Variants in PDGFC observed in about 807,000 individuals in gnomAD.
The protein encoded by PDGFC is platelet-derived growth factor C.
A neutral mutation model predicts 35.5 loss-of-function variants in PDGFC; 12 were observed. That is an observed-to-expected ratio of 0.34 (90% CI 0.22 to 0.55). The LOEUF is 0.55. Ranked by LOEUF, PDGFC falls within the 20% of genes least tolerant of loss-of-function variation. The probability of loss-of-function intolerance (pLI) is 0.91; values close to 1 mark genes in which losing one functional copy is unlikely to be tolerated. For synonymous variants in PDGFC, 159 were observed against 148.8 expected (o/e 1.07, Z -0.50); for missense variants, 322 against 412.4 (o/e 0.78, Z 1.90).
intron 1 of PDGFC, among the ~76,000 whole-genome samples, chr4:156,886,493 T>G (rs926269108): frequency 4.6e-5 from 7 of 152,244 alleles, no homozygotes; most frequent in African/African-American, 1.7e-4. Flanking sequence ...GCAGACATAC[T>G]TTTATCACCA....
intron 2 of PDGFC, among the ~76,000 whole-genome samples, chr4:156,820,726 A>T (rs566446659): frequency 1.3e-5 from 2 of 152,334 alleles, no homozygotes; most frequent in African/African-American, 4.8e-5. Context: ...GGAGAAAAAA[A>T]ATATATGATC....
chr4:156,800,078 C>A (rs1731557623), intron 3 of PDGFC, among the ~76,000 whole-genome samples: 1 of 152,082 alleles, frequency 6.6e-6, no homozygotes, highest in Non-Finnish European at 1.5e-5. Context: ...AGTCAAGAGG[C>A]AGTCTGATTT....
At chr4:156,964,315 G>A (rs571378283) in intron 1 of PDGFC, among the ~76,000 whole-genome samples, 3 of 150,696 alleles carry the variant, frequency 2.0e-5, no homozygotes, top group Admixed American at 2.0e-4. Flanking sequence ...CTAACATAAT[G>A]GTAACCATTA....
intron 1 of PDGFC, among the ~76,000 whole-genome samples, chr4:156,851,518 G>A (rs1159285118): frequency 1.3e-5 from 2 of 152,112 alleles, no homozygotes; most frequent in African/African-American, 4.8e-5. Context: ...GAGAAAGGAA[G>A]TATTCCTATA....
chr4:156,804,539 C>T (rs187816029), intron 3 of PDGFC, among the ~76,000 whole-genome samples: 12 of 152,038 alleles, frequency 7.9e-5, no homozygotes, highest in African/African-American at 2.4e-5. Flanking sequence ...TTCCCATCTT[C>T]CTTCTCAAAA....
intron 1 of PDGFC, among the ~76,000 whole-genome samples, chr4:156,911,377 C>G (rs952931030): frequency 1.3e-5 from 2 of 151,892 alleles, no homozygotes; most frequent in African/African-American, 4.8e-5. Context: ...ACAAATTCCC[C>G]CTATTCCTTG....
intron 2 of PDGFC, among the ~76,000 whole-genome samples, chr4:156,814,562 GA>G (rs1422688142): frequency 1.3e-5 from 2 of 152,044 alleles, no homozygotes; most frequent in Non-Finnish European, 2.9e-5. Context: ...AAATTTTCTT[GA>G]GACCATTTTT....
chr4:156,878,652 A>C (rs1179113768), intron 1 of PDGFC, among the ~76,000 whole-genome samples: 1 of 152,178 alleles, frequency 6.6e-6, no homozygotes, highest in East Asian at 1.9e-4. Context: ...AAAATGCAAT[A>C]TACTCCAATG....
intron 1 of PDGFC, among the ~76,000 whole-genome samples, chr4:156,883,333 T>G (rs763524318): frequency 2.5e-4 from 38 of 152,272 alleles, no homozygotes; most frequent in Admixed American, 1.2e-3. Context: ...GGAAAGATTG[T>G]ATTAAAGTCA....
chr4:156,905,134 G>C (rs547892329), intron 1 of PDGFC, among the ~76,000 whole-genome samples: 2 of 152,074 alleles, frequency 1.3e-5, no homozygotes, highest in South Asian at 4.2e-4. Context: ...GCTGGAGCTG[G>C]GATCATCTTG....
chr4:156,919,080 G>A (rs988990926), intron 1 of PDGFC, among the ~76,000 whole-genome samples: 8 of 152,010 alleles, frequency 5.3e-5, no homozygotes, highest in Admixed American at 2.0e-4. Context: ...ACTTCTTTCC[G>A]AATACATATT....
chr4:156,879,718 C>G (rs962834831), intron 1 of PDGFC, among the ~76,000 whole-genome samples: 2 of 152,158 alleles, frequency 1.3e-5, no homozygotes, highest in African/African-American at 4.8e-5. Flanking sequence ...CAAATGATAA[C>G]ATACTATTGT....
chr4:156,773,374 TATTA>T (rs1730739156), intron 3 of PDGFC, among the ~76,000 whole-genome samples: 1 of 152,166 alleles, frequency 6.6e-6, no homozygotes, highest in South Asian at 2.1e-4. Context: ...TTAAAGAACT[TATTA>T]ATCAAGATAG....
chr4:156,773,626 T>C (rs895181873), intron 3 of PDGFC: 3 of 152,178 alleles, frequency 2.0e-5, no homozygotes, highest in African/African-American at 7.2e-5. Flanking sequence ...TATGAAAATA[T>C]GCTGAACTTC....
chr4:156,840,531 T>C (rs928886914), intron 2 of PDGFC, among the ~76,000 whole-genome samples: 3 of 152,208 alleles, frequency 2.0e-5, no homozygotes, highest in African/African-American at 7.2e-5. Context: ...GCTAGGGCAA[T>C]GCAGAAGGGA....
chr4:156,830,001 A>G lies in PDGFC; in HGVS notation c.315-18984T>C, dbSNP rs1401107329. 2.6e-5 allele frequency among the ~76,000 whole-genome samples: 4 copies of G among 152,114 alleles called. No individual in the cohort carries two copies. In the East Asian group the frequency reaches 5.8e-4, roughly 22 times the overall value. Reference sequence around the variant, plus strand: ...ACTAATTTAATAGAACCAAATAGAAACAGGGCCCATTACTTCAAAAATGTA... The same window carrying G: ...ACTAATTTAATAGAACCAAATAGAAGCAGGGCCCATTACTTCAAAAATGTA... On this transcript the variant is annotated intron_variant, in intron 2 of 5. Coordinates refer to ENST00000502773, the MANE Select transcript of PDGFC (RefSeq NM_016205.3).
At chr4:156,878,022 T>G (rs1730155813) in intron 1 of PDGFC, among the ~76,000 whole-genome samples, 1 of 152,138 alleles carries the variant, frequency 6.6e-6, no homozygotes. Context: ...CCTCCTCAAT[T>G]AGAAGGTAAG....
At chr4:156,809,992 A>G (rs889523984) in intron 3 of PDGFC, among the ~76,000 whole-genome samples, 53 of 151,994 alleles carry the variant, frequency 3.5e-4, no homozygotes, top group Admixed American at 3.3e-3. Flanking sequence ...AAGTGTATCC[A>G]TGGCCCTCAA....
At chr4:156,917,731 A>C (rs554404763) in intron 1 of PDGFC, among the ~76,000 whole-genome samples, 1 of 152,308 alleles carries the variant, frequency 6.6e-6, no homozygotes, top group African/African-American at 2.4e-5. Context: ...TAACCTACCT[A>C]ATGTACATGA....
Sources: allele counts gnomAD v4.1 joint callset (sites outside exome capture counted in the v4.1 genomes callset), GRCh38; gene constraint gnomAD v4.1.1; transcripts MANE v1.5; gene names NCBI Gene and HGNC (gene_info 2026-07-23, HGNC 2026-07-21).